The following GREB1 variants were observed in gnomAD, a reference collection of about 807,000 sequenced individuals.
GREB1 encodes the protein growth regulating estrogen receptor binding 1.
A neutral mutation model predicts 200.7 loss-of-function variants in GREB1; 106 were observed. The observed-to-expected ratio is 0.53, with a 90% CI of 0.45 to 0.62. GREB1 has a LOEUF of 0.62. Ranked by LOEUF, GREB1 falls within the 20% of genes least tolerant of loss-of-function variation. The pLI is 0.00. For missense variants in GREB1, 2,243 were observed against 2,556.8 expected (o/e 0.88, Z 2.65); for synonymous variants, 1,132 against 1,092.4 (o/e 1.04, Z -0.72).
Position 11,602,489 on chromosome 2 carries a change from C to T in GREB1, c.2613C>T (p.Pro871=), listed in dbSNP as rs761695913. The T allele has an allele frequency of 6.2e-7, 1 of 1,613,460 alleles. No homozygotes were observed. Among genetic ancestry groups the T allele is most frequent in the Non-Finnish European group, 8.5e-7 (1 of 1,179,448 alleles). Reference sequence around the variant, plus strand: ...CCACCCTTTCAGGACACAGCCTCCCCTTGCTCAGATACGATAGCTCCTTTG... The same window carrying T: ...CCACCCTTTCAGGACACAGCCTCCCTTTGCTCAGATACGATAGCTCCTTTG... ...IESTLSGHSL[P]LLRYDSSFEA... is the part of the protein sequence containing the mutation. Residue 871 remains proline, a synonymous_variant, in exon 17 of 33, where the codon CCC becomes CCT. Coordinates refer to ENST00000381486, the MANE Select transcript of GREB1 (RefSeq NM_014668.4).
intron 26 of GREB1, among the ~76,000 whole-genome samples, chr2:11,631,380 T>G (rs1464422182): frequency 5.2e-5 from 8 of 152,382 alleles, no homozygotes; most frequent in Non-Finnish European, 1.0e-4. Flanking sequence ...ATGTGTGCTC[T>G]GGGCACAATA....
chr2:11,501,896 T>G (rs1336678576), intron 1 of GREB1, among the ~76,000 whole-genome samples: 5 of 16,768 alleles, frequency 3.0e-4, no homozygotes, highest in Non-Finnish European at 6.0e-4. Context: ...GGATTTCCTG[T>G]TTTTTTTTGT....
At chr2:11,581,139 T>C (rs1268775524) in intron 7 of GREB1, 1 of 596,230 alleles carries the variant, frequency 1.7e-6, no homozygotes, top group South Asian at 2.0e-5. Flanking sequence ...GGAGCAATAG[T>C]GGGCAGTGTG....
chr2:11,525,226 T>G (rs1298585278), intron 1 of GREB1, among the ~76,000 whole-genome samples: 2 of 152,118 alleles, frequency 1.3e-5, no homozygotes, highest in African/African-American at 4.8e-5. Flanking sequence ...GCATCCGGGC[T>G]GGGCACGGTG....
intron 7 of GREB1, among the ~76,000 whole-genome samples, chr2:11,582,895 C>T (rs7576826): frequency 0.6 from 91,971 of 152,158 alleles, 29,891 homozygotes; most frequent in African/African-American, 0.86. Flanking sequence ...AGTGCTGCCC[C>T]CTGGGGGCGG....
At position 11,541,170 on chromosome 2, in the gene GREB1, AG is replaced by A. The variant is rs149676806; in HGVS notation, c.-162+6918del. Among the ~76,000 whole-genome samples the A allele has an allele frequency of 6.6e-3, 998 of 152,278 alleles. 7 individuals carry two copies. Among genetic ancestry groups the A allele is most frequent in the African/African-American group, 0.023 (935 of 41,546 alleles). ...CCAGGTTGGCAGGGCTTCTAGGAGA[AG>A]GCCATCTCCCAGAAGGAGATGGAAC... On this transcript the variant is annotated intron_variant, in intron 1 of 32. Coordinates refer to ENST00000381486, the MANE Select transcript of GREB1 (RefSeq NM_014668.4).
chr2:11,607,282 G>A (rs1682391641), intron 17 of GREB1, among the ~76,000 whole-genome samples: 1 of 149,548 alleles, frequency 6.7e-6, no homozygotes, highest in Admixed American at 6.7e-5. Context: ...ATATTGCCAA[G>A]GTCTTGAACC....
chr2:11,615,635 C>G (rs1683337108), intron 20 of GREB1, among the ~76,000 whole-genome samples: 1 of 152,188 alleles, frequency 6.6e-6, no homozygotes, highest in Non-Finnish European at 1.5e-5. Flanking sequence ...GTTCCTCGTT[C>G]CACTCACTGG....
rs777819737 is a variant in GREB1 at position 11,592,857 on chromosome 2, G to C, written c.1427G>C (p.Arg476Pro). Residue 476 changes from arginine (R) to proline (P), a missense_variant, in exon 11 of 33, where the codon CGG becomes CCG. Coordinates refer to ENST00000381486, the MANE Select transcript of GREB1 (RefSeq NM_014668.4). ...SWRESHLTEI[R>P]QYQQAPPQPF... ...CGCGAGTCGCACCTGACCGAGATCC[G>C]GCAGTACCAGCAGGCGCCGCCGCAG... The C allele has an allele frequency of 2.5e-6, 4 of 1,599,916 alleles. No homozygotes were observed. Among genetic ancestry groups the C allele is most frequent in the Non-Finnish European group, 3.4e-6 (4 of 1,175,490 alleles).
chr2:11,587,373 C>T, intron 9 of GREB1: 3 of 1,601,978 alleles, frequency 1.9e-6, no homozygotes, highest in Non-Finnish European at 1.7e-6. Flanking sequence ...TGCCTCTTGC[C>T]CACTGCAGTA....
At chr2:11,609,512 G>A (rs1466561478) in intron 17 of GREB1, among the ~76,000 whole-genome samples, 3 of 152,038 alleles carry the variant, frequency 2.0e-5, no homozygotes, top group African/African-American at 7.2e-5. Flanking sequence ...CAGGCAATCC[G>A]TTTCCTGGGC....
In GREB1 at chr2:11,596,133, G is replaced by A; in HGVS notation, c.1848G>A (p.Leu616=). Residue 616 remains leucine, a synonymous_variant, in exon 13 of 33, where the codon CTG becomes CTA. Coordinates refer to ENST00000381486, the MANE Select transcript of GREB1 (RefSeq NM_014668.4). ...CAGAGGGTGACATTGACATTTTGCTGGACAAATTTCACCAGGAAAATCAAG... is the reference window on the plus strand; with the variant it reads ...CAGAGGGTGACATTGACATTTTGCTAGACAAATTTCACCAGGAAAATCAAG... The part of the protein sequence containing the change: ...LCPEGDIDIL[L]DKFHQENQGH... 1 of 1,613,620 alleles carries A rather than the reference G, an allele frequency of 6.2e-7. No individual in the cohort carries two copies. The highest frequency in any genetic ancestry group is 8.5e-7 in the Non-Finnish European group (1 of 1,179,658).
intron 13 of GREB1, among the ~76,000 whole-genome samples, chr2:11,596,850 C>T (rs1681305579): frequency 1.0e-5 from 1 of 100,060 alleles, no homozygotes; most frequent in South Asian, 3.6e-4. Flanking sequence ...GGCAGGGTCA[C>T]TGGTGTGTAC....
intron 1 of GREB1, among the ~76,000 whole-genome samples, chr2:11,515,897 T>C (rs893429462): frequency 2.6e-5 from 4 of 152,138 alleles, no homozygotes; most frequent in Non-Finnish European, 5.9e-5. Flanking sequence ...TAGAGGCCCA[T>C]GTGGAGCTCC....
chr2:11,571,663 G>C (rs1233445102), intron 4 of GREB1, among the ~76,000 whole-genome samples: 1 of 152,134 alleles, frequency 6.6e-6, no homozygotes, highest in Non-Finnish European at 1.5e-5. Flanking sequence ...TCCTAACAGG[G>C]ACCATTTCTT....
chr2:11,510,995 A>T (rs1470904970), intron 1 of GREB1, among the ~76,000 whole-genome samples: 1 of 152,122 alleles, frequency 6.6e-6, no homozygotes, highest in Non-Finnish European at 1.5e-5. Context: ...ATGGATTTTT[A>T]AAAACACAGT....
At chr2:11,555,797 C>T (rs936424128) in intron 1 of GREB1, among the ~76,000 whole-genome samples, 10 of 152,064 alleles carry the variant, frequency 6.6e-5, no homozygotes, top group Non-Finnish European at 1.0e-4. Flanking sequence ...TAAAATTGAT[C>T]GTATGATAGT....
chr2:11,536,384 A>G (rs546253909), intron 1 of GREB1, among the ~76,000 whole-genome samples: 1 of 152,326 alleles, frequency 6.6e-6, no homozygotes, highest in African/African-American at 2.4e-5. Flanking sequence ...CTCTCAGGGA[A>G]ACATTTTGTA....
chr2:11,533,815 C>T (rs1674165107), upstream of GREB1, among the ~76,000 whole-genome samples: 5 of 152,110 alleles, frequency 3.3e-5, no homozygotes. Context: ...CATGTTCTCC[C>T]CTAGGAGAAA....
Sources: allele counts gnomAD v4.1 joint callset (sites outside exome capture counted in the v4.1 genomes callset), GRCh38; gene constraint gnomAD v4.1.1; transcripts MANE v1.5; gene names NCBI Gene and HGNC (gene_info 2026-07-23, HGNC 2026-07-21).